Variants in GMEB2 observed in about 807,000 individuals in gnomAD.
GMEB2 encodes glucocorticoid modulatory element-binding protein 2.
GMEB2 carries 7 observed loss-of-function variants against 45.7 expected under a neutral mutation model. The observed-to-expected ratio is 0.15, with a 90% CI of 0.09 to 0.29. The LOEUF (loss-of-function observed/expected upper bound fraction) is 0.29, where lower values mean the gene tolerates loss of function less well. Among genes scored for constraint, GMEB2 ranks in the 10% least tolerant of loss-of-function variants. The pLI is 1.00. For synonymous variants in GMEB2, 322 were observed against 323.6 expected (o/e 1.00, Z 0.05); for missense variants, 582 against 739.2 (o/e 0.79, Z 2.47).
chr20:63,624,149 G>T (rs1485093665), intron 1 of GMEB2, among the ~76,000 whole-genome samples: 6 of 151,420 alleles, frequency 4.0e-5, no homozygotes, highest in Admixed American at 6.6e-5. Context: ...AGGCGTGGTG[G>T]CTCACGCCTG....
chr20:63,612,080 C>A (rs536174688), intron 2 of GMEB2, among the ~76,000 whole-genome samples: 69 of 152,276 alleles, frequency 4.5e-4, no homozygotes, highest in African/African-American at 1.6e-3. Flanking sequence ...CATTTCATGT[C>A]TCCAGTTTCT....
chr20:63,612,540 T>C (rs1004446585), intron 2 of GMEB2, among the ~76,000 whole-genome samples: 2 of 152,198 alleles, frequency 1.3e-5, no homozygotes, highest in African/African-American at 4.8e-5. Flanking sequence ...GCCACAGAAA[T>C]GATCTCAACG....
chr20:63,621,919 T>C (rs1468299730), intron 1 of GMEB2, among the ~76,000 whole-genome samples: 1 of 149,900 alleles, frequency 6.7e-6, no homozygotes, highest in Non-Finnish European at 1.5e-5. Flanking sequence ...AGCTCAGGGG[T>C]TTGAGACCAG....
intron 2 of GMEB2, among the ~76,000 whole-genome samples, chr20:63,618,307 C>T (rs1448092126): frequency 2.6e-5 from 4 of 152,196 alleles, no homozygotes; most frequent in East Asian, 1.9e-4. Context: ...GGGTACCTCA[C>T]ACCAGGAACC....
At chr20:63,610,815 G>T (rs1389987778) in intron 2 of GMEB2, among the ~76,000 whole-genome samples, 1 of 152,188 alleles carries the variant, frequency 6.6e-6, no homozygotes, top group African/African-American at 2.4e-5. Flanking sequence ...AAGACAGGGG[G>T]CTATTTCCCA....
chr20:63,595,193 A>G, intron 6 of GMEB2, among the ~76,000 whole-genome samples: 1 of 150,648 alleles, frequency 6.6e-6, no homozygotes, highest in East Asian at 2.0e-4. Context: ...CAAGGCACCC[A>G]GCACGGAAGG....
At chr20:63,595,526 A>T in intron 6 of GMEB2, 84 bp downstream of exon 6, 1 of 1,311,194 alleles carries the variant, frequency 7.6e-7, no homozygotes, top group Non-Finnish European at 1.0e-6. Context: ...GCCTGGGGCC[A>T]AGGAGGCCAC....
chr20:63,592,012 C>T lies in GMEB2; in HGVS notation c.952+10G>A, dbSNP rs2083151206. The T allele has an allele frequency of 6.2e-7, 1 of 1,606,436 alleles. No homozygotes were observed. Among genetic ancestry groups the T allele is most frequent in the Non-Finnish European group, 8.5e-7 (1 of 1,178,274 alleles). On this transcript the variant is annotated intron_variant, in intron 9 of 9. Coordinates refer to ENST00000370077, the MANE Select transcript of GMEB2 (RefSeq NM_012384.5). The surrounding 1 kb of genome is among the most constrained non-coding windows in gnomAD (Gnocchi z 8.2). ...GCCCAGGGGACGGGACGGGGGTGGTCTCAGCATACCTGCCAGGTCCCGGGC... is the reference window on the plus strand; with the variant it reads ...GCCCAGGGGACGGGACGGGGGTGGTTTCAGCATACCTGCCAGGTCCCGGGC...
Position 63,590,037 on chromosome 20 carries a change from G to C in GMEB2, c.*52C>G. Reference sequence around the variant, plus strand: ...GCCTCTGCCCGCTCCCTGCTGCCGCGGCTGAGAGACAGCCAGCCCTGTCCG... The same window carrying C: ...GCCTCTGCCCGCTCCCTGCTGCCGCCGCTGAGAGACAGCCAGCCCTGTCCG... On this transcript the variant is annotated 3_prime_UTR_variant, in exon 10 of 10. Transcript: ENST00000370077. 6.9e-7 allele frequency: 1 copy of C among 1,455,988 alleles called. No homozygotes were observed. Among genetic ancestry groups the C allele is most frequent in the Non-Finnish European group, 9.1e-7 (1 of 1,102,654 alleles). The allele number at this position is 1,455,988 out of a possible 1,614,324, so 90.2% of individuals were successfully genotyped here. A position where few individuals can be genotyped will look rare whatever the true frequency, so the allele number is the denominator to read the frequency against.
Position 63,592,827 on chromosome 20 carries a change from A to G in GMEB2, c.692-157T>C, listed in dbSNP as rs976657379. Among the ~76,000 whole-genome samples, 1 of 152,160 alleles carries G rather than the reference A, an allele frequency of 6.6e-6. No homozygotes were observed. Among genetic ancestry groups the G allele is most frequent in the African/African-American group, 2.4e-5 (1 of 41,438 alleles). ...GCTTGCACTGCCCAGACACATCCAC[A>G]GTGCCAAAATCTAGCAGGTCAGCCT... On this transcript the variant is annotated intron_variant, in intron 7 of 9. Coordinates refer to ENST00000370077, the MANE Select transcript of GMEB2 (RefSeq NM_012384.5). The surrounding 1 kb of genome is among the most constrained non-coding windows in gnomAD (Gnocchi z 8.2).
chr20:63,622,195 ATT>A (rs756769937), intron 1 of GMEB2, among the ~76,000 whole-genome samples: 16 of 152,142 alleles, frequency 1.1e-4, no homozygotes, highest in Admixed American at 2.6e-4. Flanking sequence ...TAAAATCATC[ATT>A]GTTAATATAA....
intron 2 of GMEB2, among the ~76,000 whole-genome samples, chr20:63,613,979 C>T (rs1221445875): frequency 6.6e-6 from 1 of 151,972 alleles, no homozygotes; most frequent in Non-Finnish European, 1.5e-5. Context: ...GAGTGCAGAG[C>T]AGGGCAGGGT....
chr20:63,606,916 G>T (rs574049065), intron 2 of GMEB2, among the ~76,000 whole-genome samples: 1 of 152,194 alleles, frequency 6.6e-6, no homozygotes, highest in African/African-American at 2.4e-5. Flanking sequence ...GCGTTACCAC[G>T]CGTACGGGAG....
In GMEB2 at chr20:63,590,520, C is replaced by T. The variant is rs111335645; in HGVS notation, c.1162G>A (p.Val388Met). Residue 388 changes from valine to methionine, a missense_variant, in exon 10 of 10, where the codon GTG becomes ATG. By Grantham distance (21) the Val-to-Met change is conservative. This residue lies in a region of GMEB2 where 462 missense variants were observed against 586.7 expected (regional missense o/e 0.79). Coordinates refer to ENST00000370077, the MANE Select transcript of GMEB2 (RefSeq NM_012384.5). The stretch of plus-strand genomic sequence containing the variant: ...ACGCTGGTCAGCTGGGGGACGGGCA[C>T]GCCCGGGCCAAGCGCCAGCTGGGCA... ...QSAQLALGPG[V>M]PVPQLTSVPL... 2.8e-5 allele frequency: 42 copies of T among 1,513,762 alleles called. No homozygotes were observed. The highest frequency in any genetic ancestry group is 1.2e-4 in the East Asian group (5 of 42,658). 93.8% of individuals were successfully genotyped at this position (1,513,762 alleles called of 1,614,324 possible). A position where few individuals can be genotyped will look rare whatever the true frequency, so the allele number is the denominator to read the frequency against.
At chr20:63,608,896 C>G (rs549148846) in intron 2 of GMEB2, among the ~76,000 whole-genome samples, 421 of 29,092 alleles carry the variant, frequency 0.014, 28 homozygotes, top group African/African-American at 0.031. Context: ...ACATGCCCCT[C>G]TGACCTCACC....
At chr20:63,618,110 G>T (rs547322191) in intron 2 of GMEB2, among the ~76,000 whole-genome samples, 1 of 152,360 alleles carries the variant, frequency 6.6e-6, no homozygotes, top group East Asian at 1.9e-4. Flanking sequence ...GAGTGGGGAG[G>T]TGTGGGGTGG....
At chr20:63,599,771 G>C (rs2083227965) in intron 4 of GMEB2, among the ~76,000 whole-genome samples, 1 of 152,160 alleles carries the variant, frequency 6.6e-6, no homozygotes, top group Non-Finnish European at 1.5e-5. Context: ...GGATAGTCCA[G>C]GGAGCTCTCA....
chr20:63,618,661 CCCCAGAG>C (rs2089625162), intron 2 of GMEB2, among the ~76,000 whole-genome samples: 1 of 152,130 alleles, frequency 6.6e-6, no homozygotes, highest in African/African-American at 2.4e-5. Context: ...CAGACCAGAG[CCCCAGAG>C]CCCTCTGGGG....
At chr20:63,595,874 G>T (rs1388068628) in intron 5 of GMEB2, 107 bp from the exon 6 acceptor site, 2 of 979,114 alleles carry the variant, frequency 2.0e-6, no homozygotes, top group Admixed American at 4.1e-5. Context: ...AGGCCTAGCA[G>T]AGGCGCTGGC....
Sources: gnomAD v4.1 joint callset for allele counts (sites outside exome capture counted in the v4.1 genomes callset) on GRCh38, gnomAD v4.1.1 for gene constraint, gnomAD v4.1.1 regional missense constraint, Gnocchi (gnomAD v3.1) non-coding constraint, MANE v1.5 for transcripts, NCBI Gene and HGNC (gene_info 2026-07-23, HGNC 2026-07-21) for gene names.